LRP12: variants seen among roughly 807,000 people sequenced by gnomAD.
LRP12 encodes the protein low-density lipoprotein receptor-related protein 12.
Under a neutral mutation model 66.0 loss-of-function variants are expected in LRP12, and 14 were observed. The ratio of observed to expected loss-of-function variants is 0.21; its 90% CI spans 0.14 to 0.33. The LOEUF (loss-of-function observed/expected upper bound fraction) is 0.33, where lower values mean the gene tolerates loss of function less well. Among genes scored for constraint, LRP12 ranks in the 10% least tolerant of loss-of-function variants. The pLI, the probability that LRP12 is intolerant of heterozygous loss-of-function variation, is 1.00. For synonymous variants in LRP12, 357 were observed against 359.1 expected, an observed-to-expected ratio of 0.99 and a Z score of 0.07; for missense variants, 889 against 1,053.4, an observed-to-expected ratio of 0.84 and a Z score of 2.16.
chr8:104,549,045 T>G (rs1026510897), intron 1 of LRP12, among the ~76,000 whole-genome samples: 1 of 152,168 alleles, frequency 6.6e-6, no homozygotes, highest in African/African-American at 2.4e-5. Context: ...CTGGAGTCAT[T>G]CATTAGCCCA....
chr8:104,572,166 G>A (rs1310161322), intron 1 of LRP12, among the ~76,000 whole-genome samples: 1 of 152,232 alleles, frequency 6.6e-6, no homozygotes, highest in Non-Finnish European at 1.5e-5. Context: ...ATGGTTATGT[G>A]TTGGACAATT....
chr8:104,551,439 C>T (rs763225727), intron 1 of LRP12, among the ~76,000 whole-genome samples: 111 of 152,172 alleles, frequency 7.3e-4, no homozygotes, highest in Non-Finnish European at 1.4e-3. Flanking sequence ...TTGTGTGATG[C>T]TGAGGTTTGG....
intron 1 of LRP12, among the ~76,000 whole-genome samples, chr8:104,548,286 ATC>A (rs1811648154): frequency 2.5e-5 from 2 of 80,234 alleles, no homozygotes; most frequent in African/African-American, 6.9e-5. Flanking sequence ...ATATTAATAT[ATC>A]ATATATTTAT....
At chr8:104,513,572 T>A (rs934268739) in intron 2 of LRP12, among the ~76,000 whole-genome samples, 1 of 152,152 alleles carries the variant, frequency 6.6e-6, no homozygotes, top group South Asian at 2.1e-4. Context: ...ACCTCACCGC[T>A]AAATCCAATG....
intron 1 of LRP12, among the ~76,000 whole-genome samples, chr8:104,545,371 G>A (rs1811539016): frequency 6.6e-6 from 1 of 152,192 alleles, no homozygotes; most frequent in Admixed American, 6.5e-5. Flanking sequence ...AGCAGCAGCA[G>A]GGTTTGAAAA....
intron 1 of LRP12, among the ~76,000 whole-genome samples, chr8:104,586,116 G>T (rs964695974): frequency 6.6e-6 from 1 of 152,196 alleles, no homozygotes; most frequent in African/African-American, 2.4e-5. Context: ...TTAAGATACA[G>T]TAGCCCCTGA....
At chr8:104,568,351 CT>C (rs941019670) in intron 1 of LRP12, among the ~76,000 whole-genome samples, 2 of 152,092 alleles carry the variant, frequency 1.3e-5, no homozygotes, top group African/African-American at 4.8e-5. Flanking sequence ...GAGTAAACCC[CT>C]ATGACCTTGG....
At chr8:104,549,692 G>C (rs370337115) in intron 1 of LRP12, among the ~76,000 whole-genome samples, 2 of 152,088 alleles carry the variant, frequency 1.3e-5, no homozygotes, top group African/African-American at 2.4e-5. Flanking sequence ...GTGAGCCCCC[G>C]AGCCCGGCCT....
intron 1 of LRP12, among the ~76,000 whole-genome samples, chr8:104,562,821 G>A (rs78196079): frequency 0.031 from 4,659 of 152,230 alleles, 238 homozygotes; most frequent in African/African-American, 0.11. Context: ...GGTAGGTAGT[G>A]TAAAATCCAA....
At chr8:104,568,041 C>T (rs778279956) in intron 1 of LRP12, among the ~76,000 whole-genome samples, 2 of 152,124 alleles carry the variant, frequency 1.3e-5, no homozygotes, top group Non-Finnish European at 2.9e-5. Flanking sequence ...CAAAGCGACA[C>T]TAATGAAGAC....
intron 1 of LRP12, among the ~76,000 whole-genome samples, chr8:104,533,079 T>C (rs1187294735): frequency 6.6e-6 from 1 of 152,054 alleles, no homozygotes; most frequent in Admixed American, 6.6e-5. Flanking sequence ...AGTTATACCC[T>C]TCAAAATGAA....
At chr8:104,560,935 T>A (rs1057359327) in intron 1 of LRP12, among the ~76,000 whole-genome samples, 3 of 152,098 alleles carry the variant, frequency 2.0e-5, no homozygotes, top group Non-Finnish European at 1.5e-5. Flanking sequence ...AAGGCCCATA[T>A]TTTGTGGTGT....
At chr8:104,547,410 TA>T (rs1406338873) in intron 1 of LRP12, among the ~76,000 whole-genome samples, 1 of 136,514 alleles carries the variant, frequency 7.3e-6, no homozygotes, top group Non-Finnish European at 1.5e-5. Context: ...AATTCTGTTA[TA>T]TTTTGTATAT....
chr8:104,584,284 A>G (rs1432311753), intron 1 of LRP12, among the ~76,000 whole-genome samples: 1 of 151,950 alleles, frequency 6.6e-6, no homozygotes, highest in Admixed American at 6.5e-5. Context: ...TAAAATAAAA[A>G]TATTCTATGT....
intron 2 of LRP12, among the ~76,000 whole-genome samples, chr8:104,518,329 G>A (rs1240493154): frequency 2.6e-5 from 4 of 152,042 alleles, no homozygotes; most frequent in Non-Finnish European, 5.9e-5. Context: ...TGGAGGCACA[G>A]AGAAATTTGG....
At chr8:104,529,965 G>A (rs1032254824) in intron 2 of LRP12, among the ~76,000 whole-genome samples, 12 of 152,096 alleles carry the variant, frequency 7.9e-5, no homozygotes, top group African/African-American at 2.9e-4. Context: ...AAAACATGAT[G>A]TTGCAAAAGA....
At chr8:104,568,887 C>A (rs1564147359) in intron 1 of LRP12, among the ~76,000 whole-genome samples, 1 of 152,256 alleles carries the variant, frequency 6.6e-6, no homozygotes, top group Non-Finnish European at 1.5e-5. Context: ...AAGGTAAACA[C>A]AGAATTACTA....
intron 1 of LRP12, among the ~76,000 whole-genome samples, chr8:104,574,929 C>T (rs1412944463): frequency 6.6e-6 from 1 of 151,788 alleles, no homozygotes; most frequent in East Asian, 1.9e-4. Context: ...TTTTGAGGAA[C>T]CAGGAAGACT....
chr8:104,575,686 G>C (rs1330182816), intron 1 of LRP12, among the ~76,000 whole-genome samples: 1 of 152,088 alleles, frequency 6.6e-6, no homozygotes, highest in Admixed American at 6.6e-5. Context: ...ACCAGAGCAA[G>C]AACTCTGAAA....
Sources: gnomAD v4.1 joint callset for allele counts (sites outside exome capture counted in the v4.1 genomes callset) on GRCh38, gnomAD v4.1.1 for gene constraint, MANE v1.5 for transcripts, NCBI Gene and HGNC (gene_info 2026-07-23, HGNC 2026-07-21) for gene names.